The following EYS variants were observed in gnomAD, a reference collection of about 807,000 sequenced individuals.
EYS encodes EGF-like photoreceptor maintenance factor, also known as protein eyes shut homolog.
In EYS, 250 loss-of-function variants were observed where a neutral mutation model predicts 282.1. The ratio of observed to expected loss-of-function variants is 0.89; its 90% CI spans 0.80 to 0.98. The LOEUF (loss-of-function observed/expected upper bound fraction) is 0.98. Ranked by LOEUF, EYS falls within the 50% of genes least tolerant of loss-of-function variation. EYS has a pLI of 0.00. For synonymous variants in EYS, 1,355 were observed against 1,282.9 expected, an observed-to-expected ratio of 1.06 and a Z score of -1.20; for missense variants, 4,016 against 3,709.0, an observed-to-expected ratio of 1.08 and a Z score of -2.15.
At chr6:64,008,520 A>G (rs1044220397) in intron 33 of EYS, among the ~76,000 whole-genome samples, 2 of 152,136 alleles carry the variant, frequency 1.3e-5, no homozygotes, top group African/African-American at 4.8e-5. Flanking sequence ...TTGTTAGTTG[A>G]TTATCATGCA....
At chr6:64,071,463 G>A (rs934052471) in intron 32 of EYS, among the ~76,000 whole-genome samples, 1 of 151,424 alleles carries the variant, frequency 6.6e-6, no homozygotes, top group African/African-American at 2.4e-5. Context: ...ACATGTTTGT[G>A]CCCCTTGAAT....
chr6:63,762,864 T>G (rs1440354608), intron 40 of EYS, among the ~76,000 whole-genome samples: 1 of 152,022 alleles, frequency 6.6e-6, no homozygotes, highest in East Asian at 1.9e-4. Context: ...TGAAAGAGAA[T>G]TTTTTGAGAA....
At chr6:64,155,515 G>A (rs1417847987) in intron 31 of EYS, among the ~76,000 whole-genome samples, 9 of 152,088 alleles carry the variant, frequency 5.9e-5, no homozygotes, top group Non-Finnish European at 1.3e-4. Flanking sequence ...ATGCATTGGG[G>A]TAACTTTTAA....
intron 22 of EYS, among the ~76,000 whole-genome samples, chr6:64,656,371 G>T (rs960002745): frequency 6.6e-6 from 1 of 151,996 alleles, no homozygotes; most frequent in African/African-American, 2.4e-5. Context: ...CACATATTTA[G>T]TCAACTAACC....
rs560963379 is a variant in EYS at position 64,226,902 on chromosome 6, T to A, written c.6424+3690A>T. Reference sequence around the variant, plus strand: ...GTTACTGGATCTAGTGCTATTTTAGTTAAGGCCTATACTTTAATTGACAAC... The same window carrying A: ...GTTACTGGATCTAGTGCTATTTTAGATAAGGCCTATACTTTAATTGACAAC... On this transcript the variant is annotated intron_variant, in intron 31 of 42. Transcript: ENST00000503581. Among the ~76,000 whole-genome samples, 8 of 152,174 alleles carry A rather than the reference T, an allele frequency of 5.3e-5. No homozygotes were observed. The South Asian group carries it at 1.7e-3, about 32-fold the overall frequency.
At chr6:65,540,558 C>T (rs982185372) in intron 2 of EYS, among the ~76,000 whole-genome samples, 7 of 152,044 alleles carry the variant, frequency 4.6e-5, no homozygotes, top group African/African-American at 1.7e-4. Context: ...TTTTAAATAC[C>T]AATATTAAAG....
At chr6:64,253,252 A>G (rs1767281372) in intron 30 of EYS, among the ~76,000 whole-genome samples, 2 of 152,160 alleles carry the variant, frequency 1.3e-5, no homozygotes, top group South Asian at 2.1e-4. Flanking sequence ...TTGCTAGAGT[A>G]AGGCACAAAA....
At chr6:63,931,545 T>G (rs923933055) in intron 35 of EYS, among the ~76,000 whole-genome samples, 4 of 152,222 alleles carry the variant, frequency 2.6e-5, no homozygotes, top group Non-Finnish European at 5.9e-5. Flanking sequence ...TTTGGCTTCC[T>G]TTCAGGAAGT....
intron 22 of EYS, among the ~76,000 whole-genome samples, chr6:64,791,502 T>C (rs1487662969): frequency 1.3e-5 from 2 of 151,872 alleles, no homozygotes; most frequent in Non-Finnish European, 1.5e-5. Context: ...AGAAATCTGC[T>C]ATAAAAGCAA....
intron 12 of EYS, among the ~76,000 whole-genome samples, chr6:65,281,035 C>CCATCTCAA: frequency 9.8e-6 from 1 of 101,948 alleles, no homozygotes; most frequent in East Asian, 2.7e-4. Context: ...GATGCCATCT[C>CCATCTCAA]AAAAAAAAAA....
chr6:64,040,296 G>A (rs1011490248), intron 33 of EYS, among the ~76,000 whole-genome samples: 4 of 152,150 alleles, frequency 2.6e-5, no homozygotes, highest in Admixed American at 1.3e-4. Flanking sequence ...AGAGTTACTA[G>A]TAATGCTATG....
intron 34 of EYS, among the ~76,000 whole-genome samples, chr6:63,994,866 C>T (rs1767764911): frequency 6.6e-6 from 1 of 151,768 alleles, no homozygotes; most frequent in Non-Finnish European, 1.5e-5. Context: ...TTACACTATA[C>T]ATAAAAATCT....
In EYS at chr6:65,627,561, G is replaced by A. The variant is rs537572985; in HGVS notation, c.-333+12217C>T. Reference sequence around the variant, plus strand: ...CGAGCAGGAACCGGGGCTGCCTGCCGCGCTTGCGGGCCAGCTGGAGTTCCG... The same window carrying A: ...CGAGCAGGAACCGGGGCTGCCTGCCACGCTTGCGGGCCAGCTGGAGTTCCG... On this transcript the variant is annotated intron_variant, in intron 2 of 42. Transcript: ENST00000503581. Among the ~76,000 whole-genome samples, 10 of 152,272 alleles carry A rather than the reference G, an allele frequency of 6.6e-5. No homozygotes were observed. The East Asian group carries it at 1.2e-3, about 18-fold the overall frequency.
chr6:64,774,501 G>A (rs1562184473), intron 22 of EYS, among the ~76,000 whole-genome samples: 1 of 151,844 alleles, frequency 6.6e-6, no homozygotes, highest in African/African-American at 2.4e-5. Flanking sequence ...TATAGCATTA[G>A]CTCACCATTT....
In EYS at chr6:64,590,876, G is replaced by A. The variant is rs561830314; in HGVS notation, c.4991C>T (p.Thr1664Ile). The stretch of plus-strand genomic sequence containing the variant: ...TTGTGAAGGGACAATGGATAAACAA[G>A]TCTTATCCAAACATAAATTAACATC... Reference protein sequence around the residue: ...NLDVNLCLDKTCLSIVPSQTI... With the variant: ...NLDVNLCLDKICLSIVPSQTI... Residue 1664 changes from threonine to isoleucine, a missense_variant, in exon 26 of 43, where the codon ACT becomes ATT. Physicochemically the swap from Thr to Ile is moderately conservative, Grantham distance 89. Coordinates refer to ENST00000503581, the MANE Select transcript of EYS (RefSeq NM_001142800.2). The A allele has an allele frequency of 1.5e-4, 239 of 1,550,218 alleles. 1 individual carries two copies. The Middle Eastern group carries it at 2.0e-3, about 13-fold the overall frequency.
At chr6:65,589,368 G>A (rs1582490290) in intron 2 of EYS, among the ~76,000 whole-genome samples, 1 of 151,968 alleles carries the variant, frequency 6.6e-6, no homozygotes, top group African/African-American at 2.4e-5. Context: ...TCGTCAGTCT[G>A]CAATTATCTT....
intron 22 of EYS, among the ~76,000 whole-genome samples, chr6:64,650,121 A>G (rs1218452636): frequency 6.6e-6 from 1 of 152,222 alleles, no homozygotes; most frequent in East Asian, 1.9e-4. Flanking sequence ...AAGAGAAAAT[A>G]TAAATTTAAA....
chr6:64,531,723 G>A (rs188046071), intron 26 of EYS, among the ~76,000 whole-genome samples: 4 of 151,978 alleles, frequency 2.6e-5, no homozygotes, highest in Non-Finnish European at 5.9e-5. Flanking sequence ...GAGCCACCAC[G>A]TCTGGCCAAT....
At chr6:64,879,085 T>C (rs559530457) in intron 19 of EYS, among the ~76,000 whole-genome samples, 1 of 152,296 alleles carries the variant, frequency 6.6e-6, no homozygotes, top group East Asian at 1.9e-4. Context: ...CTTTTAGCAA[T>C]TTGTTGGCTT....
Sources: allele counts gnomAD v4.1 joint callset (sites outside exome capture counted in the v4.1 genomes callset), GRCh38; gene constraint gnomAD v4.1.1; transcripts MANE v1.5; gene names NCBI Gene and HGNC (gene_info 2026-07-23, HGNC 2026-07-21).